ZFPM2: variants seen among roughly 807,000 people sequenced by gnomAD.
The protein encoded by ZFPM2 is zinc finger protein, FOG family member 2.
A neutral mutation model predicts 98.6 loss-of-function variants in ZFPM2; 20 were observed. That is an observed-to-expected ratio of 0.20 (90% CI 0.14 to 0.29). ZFPM2 has a LOEUF of 0.29. ZFPM2 is among the 10% of genes least tolerant of loss of function. The pLI is 1.00. For synonymous variants in ZFPM2, 518 were observed against 502.7 expected (o/e 1.03, Z -0.41); for missense variants, 1,310 against 1,388.6 (o/e 0.94, Z 0.90).
In ZFPM2 at chr8:105,357,594, A is replaced by T. The variant is rs145085311; in HGVS notation, c.40+38613A>T. Among the ~76,000 whole-genome samples the T allele has an allele frequency of 2.6e-3, 389 of 152,284 alleles. 1 individual carries two copies. Among genetic ancestry groups the T allele is most frequent in the African/African-American group, 8.8e-3 (367 of 41,568 alleles). On this transcript the variant is annotated intron_variant, in intron 1 of 7. Transcript: ENST00000407775. ...AATATTTTGTCATATATTTATAACA[A>T]ACTTTTTTTTTCAAAGTCAGTTGGT... is the stretch of plus-strand genomic sequence containing the variant.
At chr8:105,755,202 A>C (rs1337704333) in intron 5 of ZFPM2, among the ~76,000 whole-genome samples, 1 of 152,190 alleles carries the variant, frequency 6.6e-6, no homozygotes, top group East Asian at 1.9e-4. Context: ...TTTTATTGAC[A>C]TAGTAAAAAA....
intron 5 of ZFPM2, among the ~76,000 whole-genome samples, chr8:105,772,170 G>A (rs1270729044): frequency 6.6e-6 from 1 of 152,156 alleles, no homozygotes; most frequent in African/African-American, 2.4e-5. Context: ...TGGGACTGTG[G>A]CCCAGAACTT....
chr8:105,425,962 T>G (rs1246536490), intron 2 of ZFPM2, among the ~76,000 whole-genome samples: 1 of 152,188 alleles, frequency 6.6e-6, no homozygotes, highest in Non-Finnish European at 1.5e-5. Flanking sequence ...ATGTTCAGTT[T>G]ATTATTACTT....
At position 105,803,409 on chromosome 8, in the gene ZFPM2, T is replaced by TATA; in HGVS notation, c.3327_3328insATA (p.Asn1109_Gly1110insIle). 6.2e-7 allele frequency: 1 copy of TATA among 1,613,876 alleles called. No homozygotes were observed. The highest frequency in any genetic ancestry group is 8.5e-7 in the Non-Finnish European group (1 of 1,179,828). ...TGTCTAGTATAGCAAAAGGTGTGAATGGTTCCAGCCAGGCTCCAACCAGTG... is the reference window on the plus strand; with the variant it reads ...TGTCTAGTATAGCAAAAGGTGTGAATATAGGTTCCAGCCAGGCTCCAACCAGTG... On this transcript the variant is annotated inframe_insertion, in exon 8 of 8. Coordinates refer to ENST00000407775, the MANE Select transcript of ZFPM2 (RefSeq NM_012082.4).
At chr8:105,396,069 G>A (rs1811212406) in intron 1 of ZFPM2, among the ~76,000 whole-genome samples, 1 of 151,974 alleles carries the variant, frequency 6.6e-6, no homozygotes, top group Non-Finnish European at 1.5e-5. Context: ...TTTTTCCATT[G>A]TTTACAACTA....
At chr8:105,746,306 G>T (rs1812343198) in intron 5 of ZFPM2, among the ~76,000 whole-genome samples, 1 of 151,888 alleles carries the variant, frequency 6.6e-6, no homozygotes. Context: ...AGTCATGGTA[G>T]AAAGATAACG....
intron 3 of ZFPM2, among the ~76,000 whole-genome samples, chr8:105,459,140 C>T (rs1812657223): frequency 6.6e-6 from 1 of 152,138 alleles, no homozygotes; most frequent in African/African-American, 2.4e-5. Flanking sequence ...GTGGTGCAAC[C>T]ACAGCTCACT....
chr8:105,801,247 G>A lies in ZFPM2; in HGVS notation c.1165G>A (p.Gly389Ser), dbSNP rs762844886. Residue 389 changes from glycine to serine, a missense_variant, in exon 8 of 8, where the codon GGC becomes AGC. By Grantham distance (56) the Gly-to-Ser change is moderately conservative. Transcript: ENST00000407775. ...GCACCAGGAGCTCCATGTCCCTAGC[G>A]GCAAACTTCCCAGAGAAAGTGACAT... is the stretch of plus-strand genomic sequence containing the variant. Reference protein sequence around the residue: ...LQHQELHVPSGKLPRESDMEH... With the variant: ...LQHQELHVPSSKLPRESDMEH... The A allele has an allele frequency of 4.5e-5, 73 of 1,613,760 alleles. No homozygotes were observed. Among genetic ancestry groups the A allele is most frequent in the Non-Finnish European group, 5.9e-5 (70 of 1,179,890 alleles).
At chr8:105,546,367 G>A (rs1300205055) in intron 3 of ZFPM2, among the ~76,000 whole-genome samples, 4 of 151,684 alleles carry the variant, frequency 2.6e-5, no homozygotes, top group Non-Finnish European at 4.4e-5. Flanking sequence ...ATCTGAGGCC[G>A]GGAGTTCAAG....
chr8:105,667,737 G>C (rs1817516536), intron 5 of ZFPM2, among the ~76,000 whole-genome samples: 1 of 152,104 alleles, frequency 6.6e-6, no homozygotes, highest in South Asian at 2.1e-4. Context: ...ATATTAAGGA[G>C]ATTTGCCCAA....
intron 3 of ZFPM2, among the ~76,000 whole-genome samples, chr8:105,549,518 TCTTCCTTC>T (rs766530405): frequency 1.2e-3 from 60 of 48,498 alleles, no homozygotes; most frequent in East Asian, 6.4e-3. Context: ...CTCCCTCCCA[TCTTCCTTC>T]CTTCCTTCCT....
At chr8:105,560,618 G>C (rs1311657390) in intron 3 of ZFPM2, among the ~76,000 whole-genome samples, 1 of 112,932 alleles carries the variant, frequency 8.9e-6, no homozygotes, top group Admixed American at 9.4e-5. Context: ...TTATTTATTT[G>C]TATATTATTC....
intron 1 of ZFPM2, among the ~76,000 whole-genome samples, chr8:105,353,031 A>T (rs1727234732): frequency 6.6e-6 from 1 of 152,164 alleles, no homozygotes; most frequent in Non-Finnish European, 1.5e-5. Context: ...AAAACATACT[A>T]CCTAGAGAAT....
chr8:105,653,870 T>C (rs1817232250), intron 5 of ZFPM2, among the ~76,000 whole-genome samples: 2 of 138,358 alleles, frequency 1.4e-5, no homozygotes, highest in Non-Finnish European at 3.1e-5. Flanking sequence ...TTTTTTTTTT[T>C]TTTTTTTTTT....
In ZFPM2 at chr8:105,532,034, G is replaced by C. The variant is rs188459708; in HGVS notation, c.302-29329G>C. ...TCTCACTTCAGCCTCCAGAGTAGCT[G>C]GGACTACAGGTGCACACCACCACAC... is the stretch of plus-strand genomic sequence containing the variant. On this transcript the variant is annotated intron_variant, in intron 3 of 7. Coordinates refer to ENST00000407775, the MANE Select transcript of ZFPM2 (RefSeq NM_012082.4). Among the ~76,000 whole-genome samples the C allele has an allele frequency of 1.1e-3, 166 of 152,082 alleles. 4 individuals are homozygous for C. The East Asian group carries it at 0.012, about 11-fold the overall frequency.
At chr8:105,542,218 G>A (rs1253541725) in intron 3 of ZFPM2, among the ~76,000 whole-genome samples, 1 of 152,088 alleles carries the variant, frequency 6.6e-6, no homozygotes, top group Non-Finnish European at 1.5e-5. Flanking sequence ...ATATTTAAAA[G>A]AGAAATGCAG....
At chr8:105,568,973 C>T (rs752067931) in intron 4 of ZFPM2, among the ~76,000 whole-genome samples, 6 of 151,944 alleles carry the variant, frequency 3.9e-5, no homozygotes, top group Non-Finnish European at 8.8e-5. Context: ...CCTGGAAACC[C>T]CTATTCCCCC....
chr8:105,670,188 C>T (rs1278902536), intron 5 of ZFPM2, among the ~76,000 whole-genome samples: 1 of 151,928 alleles, frequency 6.6e-6, no homozygotes, highest in Non-Finnish European at 1.5e-5. Context: ...ATCCATGGAC[C>T]CACCACTCAG....
At chr8:105,502,386 T>A (rs1813613699) in intron 3 of ZFPM2, among the ~76,000 whole-genome samples, 2 of 151,884 alleles carry the variant, frequency 1.3e-5, no homozygotes, top group Admixed American at 1.3e-4. Flanking sequence ...ATATTGAGGG[T>A]TGAAACTGAA....
Sources: gnomAD v4.1 joint callset for allele counts (sites outside exome capture counted in the v4.1 genomes callset) on GRCh38, gnomAD v4.1.1 for gene constraint, MANE v1.5 for transcripts, NCBI Gene and HGNC (gene_info 2026-07-23, HGNC 2026-07-21) for gene names.